Variants in MYO1E observed in about 807,000 individuals in gnomAD.
The protein encoded by MYO1E is myosin IE, also known as unconventional myosin-Ie.
Under a neutral mutation model 151.1 loss-of-function variants are expected in MYO1E, and 68 were observed. The ratio of observed to expected loss-of-function variants is 0.45; its 90% CI spans 0.37 to 0.55. MYO1E has a LOEUF of 0.55. Ranked by LOEUF, MYO1E falls within the 20% of genes least tolerant of loss-of-function variation. MYO1E has a pLI of 0.00. For missense variants in MYO1E, 1,363 were observed against 1,389.3 expected, an observed-to-expected ratio of 0.98 and a Z score of 0.30; for synonymous variants, 601 against 501.7, an observed-to-expected ratio of 1.20 and a Z score of -2.64.
At chr15:59,309,587 C>T (rs1238347454) in intron 1 of MYO1E, among the ~76,000 whole-genome samples, 3 of 152,210 alleles carry the variant, frequency 2.0e-5, no homozygotes, top group Non-Finnish European at 2.9e-5. Flanking sequence ...GGCTGGACGA[C>T]GGCCCTAGAA....
At chr15:59,171,658 C>A (rs567354369) in intron 22 of MYO1E, among the ~76,000 whole-genome samples, 3 of 152,250 alleles carry the variant, frequency 2.0e-5, no homozygotes, top group South Asian at 2.1e-4. Context: ...AGATCTGGGT[C>A]CCCCTTGATT....
intron 1 of MYO1E, among the ~76,000 whole-genome samples, chr15:59,361,738 T>C (rs1318511098): frequency 6.6e-6 from 1 of 152,182 alleles, no homozygotes; most frequent in Non-Finnish European, 1.5e-5. Flanking sequence ...AAATAAAACA[T>C]TACTGACTCA....
At chr15:59,311,455 G>A (rs1250439266) in intron 1 of MYO1E, among the ~76,000 whole-genome samples, 1 of 152,108 alleles carries the variant, frequency 6.6e-6, no homozygotes, top group Non-Finnish European at 1.5e-5. Flanking sequence ...GTGCATCCCA[G>A]TTCCTAACAG....
intron 27 of MYO1E, 69 bp downstream of exon 27, chr15:59,138,129 C>G (rs959026573): frequency 6.4e-7 from 1 of 1,570,998 alleles, no homozygotes; most frequent in South Asian, 1.1e-5. Context: ...CATTTTCACA[C>G]TAGATCTTAC....
Position 59,159,206 on chromosome 15 carries a change from G to A in MYO1E, c.2786-827C>T, listed in dbSNP as rs142220737. Reference sequence around the variant, plus strand: ...TCTAGGGCCTGGGAGAACCGACCACGTGGGATCGGGGCAAACCCAGTGTGG... The same window carrying A: ...TCTAGGGCCTGGGAGAACCGACCACATGGGATCGGGGCAAACCCAGTGTGG... On this transcript the variant is annotated intron_variant, in intron 24 of 27. Coordinates refer to ENST00000288235, the MANE Select transcript of MYO1E (RefSeq NM_004998.4). The surrounding 1 kb of genome is among the most constrained non-coding windows in gnomAD (Gnocchi z 4.4). Among the ~76,000 whole-genome samples, 564 of 152,360 alleles carry A rather than the reference G, an allele frequency of 3.7e-3. 4 individuals carry two copies. Among genetic ancestry groups the A allele is most frequent in the African/African-American group, 0.013 (540 of 41,598 alleles).
At chr15:59,142,304 G>C (rs937910812) in intron 26 of MYO1E, among the ~76,000 whole-genome samples, 30 of 152,266 alleles carry the variant, frequency 2.0e-4, no homozygotes, top group African/African-American at 6.7e-4. Context: ...CCTTAGTGTA[G>C]ACTGACAAGG....
intron 1 of MYO1E, among the ~76,000 whole-genome samples, chr15:59,337,348 T>C (rs2080735297): frequency 6.6e-6 from 1 of 152,092 alleles, no homozygotes; most frequent in African/African-American, 2.4e-5. Flanking sequence ...AGGAATGGAG[T>C]TGTGTTATCC....
chr15:59,276,645 C>A (rs542010378), intron 1 of MYO1E, among the ~76,000 whole-genome samples: 5 of 152,302 alleles, frequency 3.3e-5, no homozygotes, highest in Non-Finnish European at 5.9e-5. Flanking sequence ...ACGCCCCTAT[C>A]CACATAATAG....
chr15:59,297,020 T>TC (rs2080453558), intron 1 of MYO1E, among the ~76,000 whole-genome samples: 1 of 64,966 alleles, frequency 1.5e-5, no homozygotes, highest in Non-Finnish European at 4.1e-5. Flanking sequence ...CCCGGCTAAT[T>TC]TTTTGTGTTT....
At chr15:59,349,421 G>A (rs2080811732) in intron 1 of MYO1E, among the ~76,000 whole-genome samples, 1 of 152,070 alleles carries the variant, frequency 6.6e-6, no homozygotes, top group Non-Finnish European at 1.5e-5. Context: ...TCCCAGTAAT[G>A]CACTATTAGC....
At chr15:59,337,107 A>G (rs1269199360) in intron 1 of MYO1E, among the ~76,000 whole-genome samples, 3 of 152,164 alleles carry the variant, frequency 2.0e-5, no homozygotes, top group Non-Finnish European at 4.4e-5. Flanking sequence ...TCTTTTACAA[A>G]GCACTTCTAC....
chr15:59,181,690 T>G (rs1455795758), intron 18 of MYO1E, among the ~76,000 whole-genome samples: 2 of 152,336 alleles, frequency 1.3e-5, no homozygotes, highest in East Asian at 3.9e-4. Context: ...CACAGAATAT[T>G]TCCTAAGCAA....
At chr15:59,193,828 T>C (rs1411474615) in intron 17 of MYO1E, among the ~76,000 whole-genome samples, 5 of 152,146 alleles carry the variant, frequency 3.3e-5, no homozygotes, top group Admixed American at 1.3e-4. Flanking sequence ...CGGACAATAT[T>C]GTAGAAGGAA....
chr15:59,221,795 G>A (rs769294299), intron 9 of MYO1E, among the ~76,000 whole-genome samples: 1 of 152,104 alleles, frequency 6.6e-6, no homozygotes, highest in Non-Finnish European at 1.5e-5. Flanking sequence ...TGCTGTTTCA[G>A]TGTCATGATT....
At chr15:59,229,513 A>G (rs1156429251) in intron 6 of MYO1E, among the ~76,000 whole-genome samples, 1 of 152,242 alleles carries the variant, frequency 6.6e-6, no homozygotes, top group Non-Finnish European at 1.5e-5. Flanking sequence ...ATGACAGGAA[A>G]TTTTATAAAG....
chr15:59,360,547 G>T (rs2080879346), intron 1 of MYO1E, among the ~76,000 whole-genome samples: 1 of 152,108 alleles, frequency 6.6e-6, no homozygotes, highest in Non-Finnish European at 1.5e-5. Context: ...CTCTAACTTT[G>T]GACTTAATGT....
At chr15:59,324,501 T>C (rs1293066226) in intron 1 of MYO1E, among the ~76,000 whole-genome samples, 1 of 152,096 alleles carries the variant, frequency 6.6e-6, no homozygotes. Context: ...GCATCGGGGA[T>C]GCTAGAGTAT....
chr15:59,301,441 A>G (rs1397742806), intron 1 of MYO1E, among the ~76,000 whole-genome samples: 1 of 152,180 alleles, frequency 6.6e-6, no homozygotes, highest in East Asian at 1.9e-4. Context: ...TCTCTGTGCA[A>G]TCCTGAAAGC....
rs1286605181 is a variant in MYO1E, at chr15:59,137,284, T to C, written c.*96A>G. On this transcript the variant is annotated 3_prime_UTR_variant, in exon 28 of 28. Coordinates refer to ENST00000288235, the MANE Select transcript of MYO1E (RefSeq NM_004998.4). ...ATAGCTCCAGGCCTTGGAGAAGCAA[T>C]TGCTCATTGTGGATTGTAAGGGGAG... 8.1e-6 allele frequency: 9 copies of C among 1,117,418 alleles called. No individual in the cohort carries two copies. In the African/African-American group the frequency reaches 1.1e-4, roughly 13 times the overall value. 69.2% of individuals were successfully genotyped at this position (1,117,418 alleles called of 1,614,324 possible).
Sources: allele counts gnomAD v4.1 joint callset (sites outside exome capture counted in the v4.1 genomes callset), GRCh38; gene constraint gnomAD v4.1.1; non-coding constraint Gnocchi (gnomAD v3.1); transcripts MANE v1.5; gene names NCBI Gene and HGNC (gene_info 2026-07-23, HGNC 2026-07-21).